TRAK1: variants seen among roughly 807,000 people sequenced by gnomAD.
TRAK1 encodes trafficking kinesin-binding protein 1.
A neutral mutation model predicts 92.1 loss-of-function variants in TRAK1; 33 were observed. The observed-to-expected ratio is 0.36, with a 90% CI of 0.27 to 0.48. TRAK1 has a LOEUF of 0.48. Among genes scored for constraint, TRAK1 ranks in the 20% least tolerant of loss-of-function variants. The pLI is 0.99. For missense variants in TRAK1, 1,123 were observed against 1,257.9 expected, an observed-to-expected ratio of 0.89 and a Z score of 1.62; for synonymous variants, 521 against 517.3, an observed-to-expected ratio of 1.01 and a Z score of -0.10.
chr3:42,191,444 A>G, intron 6 of TRAK1, 114 bp from the exon 7 acceptor site: 1 of 783,140 alleles, frequency 1.3e-6, no homozygotes, highest in South Asian at 1.9e-5. Flanking sequence ...AGGTGGGGGA[A>G]TGCTAAGGGC....
chr3:42,164,866 C>T (rs1338115442), intron 2 of TRAK1, among the ~76,000 whole-genome samples: 1 of 152,202 alleles, frequency 6.6e-6, no homozygotes, highest in Non-Finnish European at 1.5e-5. Flanking sequence ...GTGGGTCCCG[C>T]CCTGTCTCAG....
Position 42,076,161 on chromosome 3 carries a change from C to T in TRAK1, c.-518-10943C>T, listed in dbSNP as rs138446422. 4.7e-3 allele frequency among the ~76,000 whole-genome samples: 669 copies of T among 143,868 alleles called. 4 individuals carry two copies. Among genetic ancestry groups the T allele is most frequent in the African/African-American group, 0.016 (621 of 38,896 alleles). 94.4% of individuals were successfully genotyped at this position (143,868 alleles called of 152,430 possible). A position where few individuals can be genotyped will look rare whatever the true frequency, so the allele number is the denominator to read the frequency against. The stretch of plus-strand genomic sequence containing the variant: ...GCAGCCTCCTTTGCGCATTTTTAAA[C>T]GTTTTTGTTTCTTGTAAATTTGTTT... On this transcript the variant is annotated intron_variant, in intron 1 of 16. Transcript: ENST00000487159.
chr3:42,193,254 A>T (rs745910350), intron 8 of TRAK1, 49 bp downstream of exon 8: 1 of 1,603,622 alleles, frequency 6.2e-7, no homozygotes, highest in Non-Finnish European at 8.5e-7. Context: ...CCATGCTGAG[A>T]CGGGGAAGGG....
chr3:42,100,603 G>C (rs936874310), intron 1 of TRAK1, among the ~76,000 whole-genome samples: 1 of 152,134 alleles, frequency 6.6e-6, no homozygotes, highest in South Asian at 2.1e-4. Flanking sequence ...ATTCTGATGG[G>C]GGTGTAATTT....
At chr3:42,160,140 T>G in intron 2 of TRAK1, 1 of 1,003,142 alleles carries the variant, frequency 1.0e-6, no homozygotes, top group Non-Finnish European at 1.2e-6. Flanking sequence ...TCCAGGCTCA[T>G]AGGAGCCACC....
At chr3:42,193,306 A>T in intron 8 of TRAK1, 101 bp downstream of exon 8, 1 of 1,497,912 alleles carries the variant, frequency 6.7e-7, no homozygotes, top group Admixed American at 2.3e-5. Context: ...TTCATATCTT[A>T]GCAGTTCGTG....
At chr3:42,071,268 A>G (rs1703919829) in intron 1 of TRAK1, among the ~76,000 whole-genome samples, 1 of 151,998 alleles carries the variant, frequency 6.6e-6, no homozygotes, top group Non-Finnish European at 1.5e-5. Flanking sequence ...ATATTCCCGG[A>G]CCTCTTTCTC....
At chr3:42,092,628 C>T (rs1478844624) in intron 1 of TRAK1, among the ~76,000 whole-genome samples, 1 of 151,840 alleles carries the variant, frequency 6.6e-6, no homozygotes, top group Admixed American at 6.6e-5. Context: ...AGTAGCCCTG[C>T]CTGGGAGGAC....
At chr3:42,149,336 TC>T (rs2149253478) in intron 2 of TRAK1, 3 of 1,433,326 alleles carry the variant, frequency 2.1e-6, no homozygotes, top group Non-Finnish European at 2.7e-6. Context: ...ACTCCCTCCT[TC>T]CCCCATAGAA....
At chr3:42,020,902 AG>A (rs778822688) in intron 1 of TRAK1, among the ~76,000 whole-genome samples, 1 of 152,192 alleles carries the variant, frequency 6.6e-6, no homozygotes, top group Non-Finnish European at 1.5e-5. Context: ...TATAGTATCA[AG>A]GGGCATTTTT....
intron 2 of TRAK1, chr3:42,151,231 C>T (rs1311118355): frequency 2.4e-6 from 1 of 416,024 alleles, no homozygotes; most frequent in African/African-American, 2.1e-5. Context: ...ATCCAGTTCC[C>T]TTTACACCCT....
chr3:42,078,938 A>T (rs2148948032), intron 1 of TRAK1, among the ~76,000 whole-genome samples: 1 of 152,270 alleles, frequency 6.6e-6, no homozygotes, highest in East Asian at 1.9e-4. Flanking sequence ...GAACACAGGA[A>T]CAAAGGCTAG....
rs3733053 is a variant in TRAK1 at position 42,222,901 on chromosome 3, A to G, written c.2067-41A>G. ...GCCACTGACCCTTTCTCTGGAGCTCATGGGCATTTCTGGTGAATAACCTGT... is the reference window on the plus strand; with the variant it reads ...GCCACTGACCCTTTCTCTGGAGCTCGTGGGCATTTCTGGTGAATAACCTGT... On this transcript the variant is annotated intron_variant, in intron 15 of 15. Coordinates refer to ENST00000327628, the MANE Select transcript of TRAK1 (RefSeq NM_001042646.3). 0.43 allele frequency: 674,152 copies of G among 1,580,868 alleles called. 147,401 individuals are homozygous for G. The highest frequency in any genetic ancestry group is 0.65 in the African/African-American group (48,810 of 74,544).
At chr3:42,055,559 C>A (rs1703169953) in intron 1 of TRAK1, among the ~76,000 whole-genome samples, 1 of 152,182 alleles carries the variant, frequency 6.6e-6, no homozygotes, top group South Asian at 2.1e-4. Context: ...ACCTCCTGGG[C>A]CCAGGCAATC....
At chr3:42,176,971 C>T (rs1163002082) in intron 3 of TRAK1, 81 bp downstream of exon 3, 3 of 1,289,692 alleles carry the variant, frequency 2.3e-6, no homozygotes, top group East Asian at 2.3e-5. Flanking sequence ...TGCCTTATCA[C>T]CTGTTTCAGT....
intron 2 of TRAK1, among the ~76,000 whole-genome samples, chr3:42,136,600 G>C (rs1287524803): frequency 6.6e-6 from 1 of 151,814 alleles, no homozygotes; most frequent in Admixed American, 6.6e-5. Flanking sequence ...TCCAGCCTGG[G>C]CAATTGAGTG....
intron 1 of TRAK1, among the ~76,000 whole-genome samples, chr3:42,108,998 C>T (rs781053054): frequency 3.3e-5 from 5 of 152,098 alleles, no homozygotes; most frequent in Non-Finnish European, 7.4e-5. Context: ...AGGTCAGGAT[C>T]TTTGGGGCCA....
chr3:42,110,400 A>G (rs956015607), intron 1 of TRAK1, among the ~76,000 whole-genome samples: 11 of 152,016 alleles, frequency 7.2e-5, no homozygotes, highest in African/African-American at 2.7e-4. Flanking sequence ...GCTGAGAGCC[A>G]TGCAAGGCTG....
In TRAK1 at chr3:42,223,615, A is replaced by G; in HGVS notation, c.2740A>G (p.Ile914Val). 6.2e-7 allele frequency: 1 copy of G among 1,613,874 alleles called. No individual in the cohort carries two copies. The highest frequency in any genetic ancestry group is 8.5e-7 in the Non-Finnish European group (1 of 1,180,006). The part of the protein sequence containing the change: ...AIGGLQLNSG[I>V]RRNRSFPTMV... ...CGGTGGGCTGCAGCTCAATAGTGGC[A>G]TCCGGCGGAATCGCAGCTTCCCCAC... is the stretch of plus-strand genomic sequence containing the variant. Residue 914 changes from isoleucine to valine, a missense_variant, in exon 16 of 16, where the codon ATC (isoleucine) becomes GTC (valine). Physicochemically the swap from Ile to Val is conservative, Grantham distance 29. Transcript: ENST00000327628. The surrounding 1 kb of genome is among the most constrained non-coding windows in gnomAD (Gnocchi z 6.1).
Sources: gnomAD v4.1 joint callset for allele counts (sites outside exome capture counted in the v4.1 genomes callset) on GRCh38, gnomAD v4.1.1 for gene constraint, Gnocchi (gnomAD v3.1) non-coding constraint, MANE v1.5 for transcripts, NCBI Gene and HGNC (gene_info 2026-07-23, HGNC 2026-07-21) for gene names.